Variants in SSBP3 observed in about 807,000 individuals in gnomAD.
SSBP3 encodes the protein single-stranded DNA-binding protein 3.
SSBP3 carries 5 observed loss-of-function variants against 69.6 expected under a neutral mutation model. The observed-to-expected ratio is 0.07, with a 90% confidence interval of 0.04 to 0.15. SSBP3 has a LOEUF of 0.15. SSBP3 is among the 10% of genes least tolerant of loss of function. The pLI is 1.00. For synonymous variants in SSBP3, 196 were observed against 193.4 expected, an observed-to-expected ratio of 1.01 and a Z score of -0.11; for missense variants, 312 against 534.0, an observed-to-expected ratio of 0.58 and a Z score of 4.10.
At chr1:54,279,048 T>C (rs1441854114) in intron 5 of SSBP3, among the ~76,000 whole-genome samples, 1 of 152,140 alleles carries the variant, frequency 6.6e-6, no homozygotes, top group Non-Finnish European at 1.5e-5. Context: ...TCAGGCCAGG[T>C]ACCTGGCCTA....
chr1:54,391,278 CT>C (rs1648476040), intron 4 of SSBP3, among the ~76,000 whole-genome samples: 1 of 152,248 alleles, frequency 6.6e-6, no homozygotes, highest in Admixed American at 6.5e-5. Flanking sequence ...AAGCCGGCCA[CT>C]GTTTCCTATC....
intron 10 of SSBP3, 23 bp downstream of exon 10, chr1:54,243,212 G>C: frequency 6.2e-7 from 1 of 1,612,116 alleles, no homozygotes; most frequent in Non-Finnish European, 8.5e-7. Context: ...TCTGAGCCAC[G>C]GGCCGGGTCG....
intron 5 of SSBP3, among the ~76,000 whole-genome samples, chr1:54,259,326 G>A (rs1431577873): frequency 6.6e-6 from 1 of 152,162 alleles, no homozygotes; most frequent in African/African-American, 2.4e-5. Flanking sequence ...GTATTTTAAG[G>A]CAGGTGTCTT....
chr1:54,240,083 TGTGTGCGCGCGCGCGC>T (rs1417814262), intron 13 of SSBP3, among the ~76,000 whole-genome samples: 3 of 71,340 alleles, frequency 4.2e-5, no homozygotes, highest in African/African-American at 7.2e-5. Flanking sequence ...TGTGTGTGTG[TGTGTGCGCGCGCGCGC>T]GTGTGCGTGC....
chr1:54,331,210 T>C (rs186656612), intron 4 of SSBP3, among the ~76,000 whole-genome samples: 6 of 152,194 alleles, frequency 3.9e-5, no homozygotes, highest in African/African-American at 2.4e-5. Context: ...CAAAGGCGCA[T>C]TGTCTGGACA....
chr1:54,297,312 G>A (rs1645719906), intron 4 of SSBP3, among the ~76,000 whole-genome samples: 1 of 152,208 alleles, frequency 6.6e-6, no homozygotes. Context: ...GTGGCATGAA[G>A]CACAAATGAA....
intron 4 of SSBP3, among the ~76,000 whole-genome samples, chr1:54,348,391 C>G (rs1186286826): frequency 6.6e-6 from 1 of 152,100 alleles, no homozygotes; most frequent in African/African-American, 2.4e-5. Flanking sequence ...TCCTGCCTTG[C>G]CCCCTCAGCC....
At chr1:54,398,993 GTTAA>G (rs1341848291) in intron 4 of SSBP3, among the ~76,000 whole-genome samples, 5 of 152,184 alleles carry the variant, frequency 3.3e-5, no homozygotes, top group African/African-American at 1.2e-4. Flanking sequence ...AAGGCAACTA[GTTAA>G]TTGACTTCAA....
At chr1:54,330,317 C>T (rs1243348731) in intron 4 of SSBP3, among the ~76,000 whole-genome samples, 2 of 152,188 alleles carry the variant, frequency 1.3e-5, no homozygotes, top group African/African-American at 4.8e-5. Flanking sequence ...AAGAGGGAGG[C>T]ATGAATGGCT....
At chr1:54,241,387 G>T in intron 12 of SSBP3, 87 bp downstream of exon 12, 1 of 1,402,110 alleles carries the variant, frequency 7.1e-7, no homozygotes, top group Non-Finnish European at 1.0e-6. Context: ...TGTGTGAAAG[G>T]GAAAGAAACG....
At chr1:54,383,385 A>G (rs79697544) in intron 4 of SSBP3, among the ~76,000 whole-genome samples, 3 of 25,168 alleles carry the variant, frequency 1.2e-4, no homozygotes, top group Non-Finnish European at 1.8e-4. Context: ...CTCTAAAAGG[A>G]AAAAAAAAAA....
Position 54,272,680 on chromosome 1 carries a change from C to T in SSBP3, c.366+8758G>A, listed in dbSNP as rs566689106. Among the ~76,000 whole-genome samples the T allele has an allele frequency of 6.6e-5, 10 of 152,306 alleles. No individual in the cohort carries two copies. In the East Asian group the frequency reaches 7.7e-4, roughly 12 times the overall value. On this transcript the variant is annotated intron_variant, in intron 5 of 17. Transcript: ENST00000610401. ...CTCGTGGGGGCAGAGGGAGCAGCCA[C>T]GGTACAGTGCTGGGAGAACTGCCGA...
intron 4 of SSBP3, among the ~76,000 whole-genome samples, chr1:54,353,491 T>TA (rs1006060829): frequency 2.2e-4 from 34 of 152,316 alleles, no homozygotes; most frequent in African/African-American, 7.7e-4. Context: ...GTATCCACTC[T>TA]GAAAAACCCT....
intron 4 of SSBP3, among the ~76,000 whole-genome samples, chr1:54,400,984 T>C (rs1238569802): frequency 6.6e-6 from 1 of 152,326 alleles, no homozygotes; most frequent in Non-Finnish European, 1.5e-5. Context: ...ACCTGCTATA[T>C]GGACATGCTT....
chr1:54,228,524 C>T lies in SSBP3; in HGVS notation c.1007-47G>A, dbSNP rs755627696. The T allele has an allele frequency of 1.4e-5, 23 of 1,612,628 alleles. 1 individual carries two copies. The highest frequency in any genetic ancestry group is 3.3e-5 in the Admixed American group (2 of 59,862). On this transcript the variant is annotated intron_variant, in intron 15 of 17. Transcript: ENST00000610401. ...ATTCAGTTTCTTGCTTGCTCTTCCACGGAGGGGTCTCCCCTCGTCCTGGGC... is the reference window on the plus strand; with the variant it reads ...ATTCAGTTTCTTGCTTGCTCTTCCATGGAGGGGTCTCCCCTCGTCCTGGGC...
At chr1:54,340,329 A>G (rs955842435) in intron 4 of SSBP3, among the ~76,000 whole-genome samples, 2 of 152,238 alleles carry the variant, frequency 1.3e-5, no homozygotes, top group African/African-American at 2.4e-5. Flanking sequence ...CATATGCCAA[A>G]GTGCCAACCC....
chr1:54,384,105 C>CAAAAAAAAAAAAAAAAA (rs34137070), intron 4 of SSBP3, among the ~76,000 whole-genome samples: 2 of 94,114 alleles, frequency 2.1e-5, no homozygotes, highest in East Asian at 3.3e-4. Context: ...GACTCCATCT[C>CAAAAAAAAAAAAAAAAA]AAAAAAAAAA....
intron 4 of SSBP3, among the ~76,000 whole-genome samples, chr1:54,346,425 G>A (rs1428137657): frequency 6.6e-6 from 1 of 152,106 alleles, no homozygotes; most frequent in Admixed American, 6.6e-5. Context: ...TTTGGGGCCT[G>A]GCACTGTCAC....
intron 4 of SSBP3, among the ~76,000 whole-genome samples, chr1:54,369,229 C>G (rs1162188813): frequency 1.1e-4 from 14 of 128,002 alleles, no homozygotes; most frequent in South Asian, 9.8e-4. Context: ...GGGGGGGGGG[C>G]CCAAGCCAGG....
Sources: allele counts gnomAD v4.1 joint callset (sites outside exome capture counted in the v4.1 genomes callset), GRCh38; gene constraint gnomAD v4.1.1; transcripts MANE v1.5; gene names NCBI Gene and HGNC (gene_info 2026-07-23, HGNC 2026-07-21).